AGTPBP1: variants seen among roughly 807,000 people sequenced by gnomAD.
AGTPBP1 encodes the protein ATP/GTP binding carboxypeptidase 1.
Under a neutral mutation model 143.9 loss-of-function variants are expected in AGTPBP1, and 70 were observed. The observed-to-expected ratio is 0.49, with a 90% CI of 0.40 to 0.59. The LOEUF is 0.59. AGTPBP1 is among the 20% of genes least tolerant of loss of function. AGTPBP1 has a pLI of 0.00. For missense variants in AGTPBP1, 1,229 were observed against 1,464.5 expected, an observed-to-expected ratio of 0.84 and a Z score of 2.62; for synonymous variants, 463 against 500.2, an observed-to-expected ratio of 0.93 and a Z score of 0.99.
At chr9:85,670,347 A>G (rs1383763864) in intron 7 of AGTPBP1, among the ~76,000 whole-genome samples, 2 of 152,178 alleles carry the variant, frequency 1.3e-5, no homozygotes, top group African/African-American at 4.8e-5. Context: ...ATCAGATGTG[A>G]ATTTTAAATA....
intron 2 of AGTPBP1, among the ~76,000 whole-genome samples, chr9:85,709,579 G>A (rs988854063): frequency 3.6e-4 from 55 of 152,136 alleles, no homozygotes; most frequent in African/African-American, 1.1e-3. Flanking sequence ...CAGCAAGAAC[G>A]TGTAATAATG....
chr9:85,709,268 G>A (rs1235929751), intron 2 of AGTPBP1, among the ~76,000 whole-genome samples: 1 of 152,104 alleles, frequency 6.6e-6, no homozygotes, highest in East Asian at 1.9e-4. Context: ...CACAAAATCA[G>A]ACATTCATAC....
the AGTPBP1 span, among the ~76,000 whole-genome samples, chr9:85,786,768 T>C: frequency 6.6e-6 from 1 of 152,194 alleles, no homozygotes; most frequent in Non-Finnish European, 1.5e-5. Context: ...TTTTAGTTTA[T>C]ATTCCCATAG....
At chr9:85,665,861 A>G (rs1834099865) in intron 8 of AGTPBP1, among the ~76,000 whole-genome samples, 1 of 152,140 alleles carries the variant, frequency 6.6e-6, no homozygotes, top group Admixed American at 6.6e-5. Context: ...GTAAATTTTT[A>G]CCAAATGTTA....
intron 18 of AGTPBP1, 28 bp downstream of exon 18, chr9:85,596,334 A>C: frequency 6.8e-7 from 1 of 1,473,988 alleles, no homozygotes; most frequent in South Asian, 1.2e-5. Context: ...GTAAGCTGAC[A>C]TTCTATTAAT....
intron 2 of AGTPBP1, among the ~76,000 whole-genome samples, chr9:85,710,374 C>CGTAT (rs1487025385): frequency 6.6e-6 from 1 of 151,906 alleles, no homozygotes; most frequent in African/African-American, 2.4e-5. Flanking sequence ...TGAAAGTATA[C>CGTAT]AAAAGATTTT....
chr9:85,715,960 G>A (rs144927212), intron 1 of AGTPBP1, among the ~76,000 whole-genome samples: 1,825 of 152,250 alleles, frequency 0.012, 36 homozygotes, highest in African/African-American at 0.042. Context: ...ATAAAATCAT[G>A]ATATTTCTGT....
chr9:85,622,353 G>A (rs1830988519), intron 14 of AGTPBP1, among the ~76,000 whole-genome samples: 1 of 152,090 alleles, frequency 6.6e-6, no homozygotes, highest in Middle Eastern at 3.2e-3. Context: ...CCTGCACGAA[G>A]ATACTTTTCC....
In AGTPBP1 at chr9:85,735,045, A is replaced by T. The variant is rs552177119; in HGVS notation, c.-34+6730T>A. 1.1e-3 allele frequency among the ~76,000 whole-genome samples: 172 copies of T among 152,318 alleles called. 1 individual carries two copies. Among genetic ancestry groups the T allele is most frequent in the African/African-American group, 3.4e-3 (140 of 41,560 alleles). On this transcript the variant is annotated intron_variant, in intron 1 of 25. Transcript: ENST00000357081. ...GCGAGACTCCATCTAAAAAAATTTT[A>T]AAAATAAATAAATAAAAAGCAAGGT...
At chr9:85,728,347 G>C (rs1478166602) in intron 1 of AGTPBP1, among the ~76,000 whole-genome samples, 1 of 152,004 alleles carries the variant, frequency 6.6e-6, no homozygotes, top group East Asian at 1.9e-4. Context: ...GAGGAATTTT[G>C]CTCTTCCTCC....
the AGTPBP1 span, among the ~76,000 whole-genome samples, chr9:85,778,185 G>A: frequency 6.6e-6 from 1 of 152,170 alleles, no homozygotes; most frequent in Non-Finnish European, 1.5e-5. Context: ...TTTGATGATG[G>A]AATGCTGCTG....
At chr9:85,647,458 A>G (rs1389220995) in intron 11 of AGTPBP1, among the ~76,000 whole-genome samples, 2 of 152,148 alleles carry the variant, frequency 1.3e-5, no homozygotes, top group African/African-American at 2.4e-5. Flanking sequence ...AAAGATAAAC[A>G]CTAATGAAGC....
chr9:85,593,840 A>C (rs1829124590), intron 18 of AGTPBP1, among the ~76,000 whole-genome samples: 1 of 152,190 alleles, frequency 6.6e-6, no homozygotes, highest in Non-Finnish European at 1.5e-5. Flanking sequence ...CAGACTCGAA[A>C]TACTGCTGAC....
intron 23 of AGTPBP1, among the ~76,000 whole-genome samples, chr9:85,582,790 A>G (rs1279989384): frequency 6.6e-6 from 1 of 152,182 alleles, no homozygotes; most frequent in African/African-American, 2.4e-5. Context: ...CATCAGAAAC[A>G]TAGCATTTAT....
At chr9:85,688,382 T>C (rs1414867040) in intron 3 of AGTPBP1, among the ~76,000 whole-genome samples, 3 of 152,020 alleles carry the variant, frequency 2.0e-5, no homozygotes, top group Non-Finnish European at 4.4e-5. Context: ...CGGGCTTCTA[T>C]CCAACAAATT....
chr9:85,646,372 T>C lies in AGTPBP1; in HGVS notation c.1134A>G (p.Val378=). The C allele has an allele frequency of 6.2e-7, 1 of 1,613,212 alleles. No individual in the cohort carries two copies. The highest frequency in any genetic ancestry group is 8.5e-7 in the Non-Finnish European group (1 of 1,179,774). ...DESDDNDDID[V]EAENETENED... is the part of the protein sequence containing the mutation. The stretch of plus-strand genomic sequence containing the variant: ...CATTCTCAGTTTCGTTTTCAGCTTC[T>C]ACATCAATATCATCGTTGTCATCAC... Residue 378 remains valine (V), a synonymous_variant, in exon 12 of 26, where the codon GTA becomes GTG. Coordinates refer to ENST00000357081, the MANE Select transcript of AGTPBP1 (RefSeq NM_001330701.2).
At chr9:85,786,551 T>G in the AGTPBP1 span, 1 of 1,613,918 alleles carries the variant, frequency 6.2e-7, no homozygotes. Flanking sequence ...CATCGAAGTA[T>G]CTAGAAAACC....
chr9:85,756,031 G>A, the AGTPBP1 span: 4 of 1,349,064 alleles, frequency 3.0e-6, no homozygotes, highest in Non-Finnish European at 4.0e-6. Flanking sequence ...AATTTTTATG[G>A]CAGAAGGAAA....
the AGTPBP1 span, among the ~76,000 whole-genome samples, chr9:85,772,699 A>G: frequency 6.6e-6 from 1 of 152,020 alleles, no homozygotes; most frequent in Non-Finnish European, 1.5e-5. Context: ...GCTGCAGTGA[A>G]CTATGATTGC....
Sources: allele counts gnomAD v4.1 joint callset (sites outside exome capture counted in the v4.1 genomes callset), GRCh38; gene constraint gnomAD v4.1.1; transcripts MANE v1.5; gene names NCBI Gene and HGNC (gene_info 2026-07-23, HGNC 2026-07-21).